The following TMEM72 variants were observed in gnomAD, a reference collection of about 807,000 sequenced individuals.
The protein encoded by TMEM72 is transmembrane protein 72, also known as kidney-specific secretory protein of 37 kDa.
A neutral mutation model predicts 16.3 loss-of-function variants in TMEM72; 9 were observed. The observed-to-expected ratio is 0.55, with a 90% CI of 0.33 to 0.96. The LOEUF (loss-of-function observed/expected upper bound fraction) is 0.96, where lower values mean the gene tolerates loss of function less well. Ranked by LOEUF, TMEM72 falls within the 40% of genes least tolerant of loss-of-function variation. TMEM72 has a pLI of 0.03. For synonymous variants in TMEM72, 160 were observed against 146.5 expected, an observed-to-expected ratio of 1.09 and a Z score of -0.66; for missense variants, 324 against 337.8, an observed-to-expected ratio of 0.96 and a Z score of 0.32.
chr10:44,928,823 TATCCATCCATCC>T (rs1005093867), intron 2 of TMEM72, among the ~76,000 whole-genome samples: 1 of 150,514 alleles, frequency 6.6e-6, no homozygotes, highest in East Asian at 2.0e-4. Context: ...TCCACCCACC[TATCCATCCATCC>T]ATCCATCCAC....
intron 2 of TMEM72, among the ~76,000 whole-genome samples, chr10:44,929,958 G>A (rs977618671): frequency 5.3e-5 from 8 of 152,254 alleles, no homozygotes; most frequent in African/African-American, 1.9e-4. Context: ...AACTGACCAT[G>A]TCCCTAGCCG....
intron 1 of TMEM72, chr10:44,923,335 CTCTT>C (rs1183129321): frequency 4.6e-5 from 7 of 151,624 alleles, no homozygotes; most frequent in Non-Finnish European, 8.8e-5. Flanking sequence ...CTCTCTCTCT[CTCTT>C]TCTCTTCCTT....
At chr10:44,918,728 A>T (rs79058073) in intron 1 of TMEM72, among the ~76,000 whole-genome samples, 1 of 152,156 alleles carries the variant, frequency 6.6e-6, no homozygotes, top group African/African-American at 2.4e-5. Flanking sequence ...CCCCCCAGCC[A>T]AATTCATATG....
In TMEM72 at chr10:44,914,496, C is replaced by T. The variant is rs77197350; in HGVS notation, c.70+2914C>T. Among the ~76,000 whole-genome samples the T allele has an allele frequency of 6.0e-3, 907 of 152,324 alleles. 24 individuals are homozygous for T. In the East Asian group the frequency reaches 0.08, roughly 13 times the overall value. Reference sequence around the variant, plus strand: ...TGTCTAAGTGCCTCAGTTGCTGAGACGCGGCATCCATTGCCGCCCATGGAA... The same window carrying T: ...TGTCTAAGTGCCTCAGTTGCTGAGATGCGGCATCCATTGCCGCCCATGGAA... On this transcript the variant is annotated intron_variant, in intron 1 of 4. Transcript: ENST00000389583.
intron 1 of TMEM72, among the ~76,000 whole-genome samples, chr10:44,925,841 G>A (rs1202231641): frequency 6.6e-6 from 1 of 152,072 alleles, no homozygotes; most frequent in African/African-American, 2.4e-5. Context: ...CTGATAATAG[G>A]ACATGGCGAA....
At chr10:44,920,925 T>C (rs1440973473) in intron 1 of TMEM72, among the ~76,000 whole-genome samples, 1 of 152,226 alleles carries the variant, frequency 6.6e-6, no homozygotes, top group African/African-American at 2.4e-5. Flanking sequence ...CGTCAACCCA[T>C]GCTGAGACCA....
chr10:44,923,011 A>T (rs950552728), intron 1 of TMEM72: 1 of 152,278 alleles, frequency 6.6e-6, no homozygotes, highest in Non-Finnish European at 1.5e-5. Flanking sequence ...ATGTAAGGCT[A>T]CAATCATTTG....
intron 1 of TMEM72, among the ~76,000 whole-genome samples, chr10:44,917,521 C>G (rs915531812): frequency 6.6e-6 from 1 of 152,164 alleles, no homozygotes; most frequent in Admixed American, 6.5e-5. Context: ...GCTATTTCTA[C>G]ACCACATATA....
intron 1 of TMEM72, among the ~76,000 whole-genome samples, chr10:44,927,635 G>A (rs1298073022): frequency 6.6e-6 from 1 of 152,246 alleles, no homozygotes; most frequent in Non-Finnish European, 1.5e-5. Flanking sequence ...AGGGGCTGGT[G>A]CCACATTAGT....
chr10:44,919,293 T>C (rs2132714301), intron 1 of TMEM72, among the ~76,000 whole-genome samples: 1 of 152,294 alleles, frequency 6.6e-6, no homozygotes, highest in South Asian at 2.1e-4. Flanking sequence ...TACTGGAGGT[T>C]CTAGCCAGTG....
Position 44,911,467 on chromosome 10 carries a change from A to T in TMEM72, c.-46A>T, listed in dbSNP as rs1839936163. 1.3e-6 allele frequency: 2 copies of T among 1,542,438 alleles called. No homozygotes were observed. Among genetic ancestry groups the T allele is most frequent in the Non-Finnish European group, 8.8e-7 (1 of 1,141,570 alleles). On this transcript the variant is annotated 5_prime_UTR_variant, in exon 1 of 5. Coordinates refer to ENST00000389583, the MANE Select transcript of TMEM72 (RefSeq NM_001123376.3). ...GTTCGGGAGCATCTCAGGGCCGAAG[A>T]CTTTGCTGCCTGCCCTGCCAGGACT... is the stretch of plus-strand genomic sequence containing the variant.
Position 44,935,377 on chromosome 10 carries a change from G to A in TMEM72, c.*243G>A. 1 of 464,430 alleles carries A rather than the reference G, an allele frequency of 2.2e-6. No individual in the cohort carries two copies. Among genetic ancestry groups the A allele is most frequent in the Non-Finnish European group, 3.8e-6 (1 of 263,470 alleles). 28.8% of individuals were successfully genotyped at this position (464,430 alleles called of 1,614,324 possible). ...ACAAGCTCCTTCCTCCTGGCCACAG[G>A]TGGGGAAACCCTTATGCTTCCCCAA... On this transcript the variant is annotated 3_prime_UTR_variant, in exon 5 of 5. Transcript: ENST00000389583.
chr10:44,920,392 CA>C (rs1008718149), intron 1 of TMEM72, among the ~76,000 whole-genome samples: 2 of 152,230 alleles, frequency 1.3e-5, no homozygotes, highest in African/African-American at 4.8e-5. Context: ...AATATCCCCT[CA>C]GTAGGCAGCC....
intron 1 of TMEM72, among the ~76,000 whole-genome samples, chr10:44,926,881 T>G (rs561353731): frequency 6.6e-6 from 1 of 151,728 alleles, no homozygotes; most frequent in Admixed American, 6.6e-5. Flanking sequence ...CATTTCAGCA[T>G]TGGACGAAGG....
At chr10:44,917,502 A>G (rs1840030284) in intron 1 of TMEM72, among the ~76,000 whole-genome samples, 1 of 152,182 alleles carries the variant, frequency 6.6e-6, no homozygotes, top group Non-Finnish European at 1.5e-5. Context: ...ATCAGCCCAC[A>G]GGAACTTGGC....
At chr10:44,928,029 G>T in intron 2 of TMEM72, 42 bp downstream of exon 2, 1 of 1,602,734 alleles carries the variant, frequency 6.2e-7, no homozygotes, top group Non-Finnish European at 8.5e-7. Context: ...TGCAAGTTCT[G>T]CTCAACTCAC....
At chr10:44,917,201 G>C (rs924183461) in intron 1 of TMEM72, among the ~76,000 whole-genome samples, 1 of 152,156 alleles carries the variant, frequency 6.6e-6, no homozygotes, top group Admixed American at 6.5e-5. Flanking sequence ...GACAATCACT[G>C]TATCTACCCT....
chr10:44,915,843 C>T (rs1204122430), intron 1 of TMEM72, among the ~76,000 whole-genome samples: 2 of 152,156 alleles, frequency 1.3e-5, no homozygotes, highest in Non-Finnish European at 2.9e-5. Context: ...GTGACCTTCT[C>T]TAGCCAAATC....
intron 1 of TMEM72, among the ~76,000 whole-genome samples, chr10:44,920,972 G>A (rs1160146916): frequency 6.6e-6 from 1 of 152,174 alleles, no homozygotes; most frequent in Non-Finnish European, 1.5e-5. Flanking sequence ...CACAGTGGCT[G>A]CCCTGCCCAG....
Sources: allele counts gnomAD v4.1 joint callset (sites outside exome capture counted in the v4.1 genomes callset), GRCh38; gene constraint gnomAD v4.1.1; transcripts MANE v1.5; gene names NCBI Gene and HGNC (gene_info 2026-07-23, HGNC 2026-07-21).